Variants in C12orf60 observed in about 807,000 individuals in gnomAD.
The protein encoded by C12orf60 is uncharacterized protein C12orf60.
For synonymous variants in C12orf60, 102 were observed against 94.6 expected, an observed-to-expected ratio of 1.08 and a Z score of -0.45; for missense variants, 284 against 283.2, an observed-to-expected ratio of 1.00 and a Z score of -0.02.
intron 1 of C12orf60, chr12:14,806,537 C>A (rs758456011): frequency 5.6e-6 from 9 of 1,613,960 alleles, no homozygotes; most frequent in Middle Eastern, 1.6e-4. Flanking sequence ...CCAGCCTGCA[C>A]CCCAAGTGCA....
At chr12:14,807,696 G>A (rs1443826345) in intron 1 of C12orf60, among the ~76,000 whole-genome samples, 1 of 152,082 alleles carries the variant, frequency 6.6e-6, no homozygotes, top group African/African-American at 2.4e-5. Flanking sequence ...TTTCATGTGG[G>A]GAGAAGGTAG....
At chr12:14,808,164 C>CAA (rs550952665) in intron 1 of C12orf60, among the ~76,000 whole-genome samples, 24 of 133,208 alleles carry the variant, frequency 1.8e-4, no homozygotes, top group East Asian at 1.7e-3. Context: ...GACTTTGTCT[C>CAA]AAAAAAAAAA....
chr12:14,820,527 T>C (rs995376749), intron 1 of C12orf60, among the ~76,000 whole-genome samples: 3 of 152,086 alleles, frequency 2.0e-5, no homozygotes, highest in African/African-American at 7.2e-5. Flanking sequence ...GATTTTGATA[T>C]ATTTTCATTT....
chr12:14,814,652 G>A (rs1285402152), intron 1 of C12orf60, among the ~76,000 whole-genome samples: 1 of 151,984 alleles, frequency 6.6e-6, no homozygotes, highest in Non-Finnish European at 1.5e-5. Context: ...TTTCCAGCTA[G>A]GAGTTCTCCT....
rs768826895 is a variant in C12orf60, at chr12:14,823,305, A to G, written c.370A>G (p.Ile124Val). 58 of 1,614,070 alleles carry G rather than the reference A, an allele frequency of 3.6e-5. No individual in the cohort carries two copies. The Admixed American group carries it at 9.3e-4, about 26-fold the overall frequency. Reference sequence around the variant, plus strand: ...CAAAAGTGCCCATACGCCAGTCATCATCTCTGTGCTAAACAGCAGTAACAT... The same window carrying G: ...CAAAAGTGCCCATACGCCAGTCATCGTCTCTGTGCTAAACAGCAGTAACAT... ...VFKSAHTPVIISVLNSSNILG... is the reference protein window; with the variant it reads ...VFKSAHTPVIVSVLNSSNILG... Residue 124 changes from isoleucine (I) to valine (V), a missense_variant, in exon 2 of 2, where the codon ATC (isoleucine) becomes GTC (valine). Physicochemically the swap from Ile to Val is conservative, Grantham distance 29. Coordinates refer to ENST00000330828, the MANE Select transcript of C12orf60 (RefSeq NM_175874.4).
chr12:14,820,244 T>G (rs1950284851), intron 1 of C12orf60, among the ~76,000 whole-genome samples: 1 of 152,056 alleles, frequency 6.6e-6, no homozygotes, highest in Non-Finnish European at 1.5e-5. Context: ...TTGTGTTCTC[T>G]CTCCTTTTTT....
At chr12:14,807,971 G>C (rs900473622) in intron 1 of C12orf60, among the ~76,000 whole-genome samples, 1 of 152,100 alleles carries the variant, frequency 6.6e-6, no homozygotes, top group Non-Finnish European at 1.5e-5. Flanking sequence ...TTCAAGACCA[G>C]CCTGGCCAAC....
intron 1 of C12orf60, among the ~76,000 whole-genome samples, chr12:14,821,394 A>G (rs1228509200): frequency 6.6e-6 from 1 of 152,074 alleles, no homozygotes; most frequent in Non-Finnish European, 1.5e-5. Flanking sequence ...GGGAGAGTCT[A>G]TTCTTTGCCT....
chr12:14,824,238 A>G lies in C12orf60; in HGVS notation c.*565A>G, dbSNP rs1199552657. The G allele has an allele frequency of 6.6e-6, 1 of 152,250 alleles. No individual in the cohort carries two copies. Among genetic ancestry groups the G allele is most frequent in the Non-Finnish European group, 1.5e-5 (1 of 68,058 alleles). 9.4% of individuals were successfully genotyped at this position (152,250 alleles called of 1,614,324 possible). ...GCTTATGTGAGTAAGACCAGAACAG[A>G]TAGTTCATTCTCACTTGTCTCCTGA... On this transcript the variant is annotated 3_prime_UTR_variant, in exon 2 of 2. Transcript: ENST00000330828.
intron 1 of C12orf60, among the ~76,000 whole-genome samples, chr12:14,810,059 C>T (rs542592658): frequency 6.6e-6 from 1 of 152,250 alleles, no homozygotes; most frequent in Non-Finnish European, 1.5e-5. Context: ...GTTCCAATAA[C>T]GAGTTTGGCT....
chr12:14,809,206 A>C (rs1182217230), intron 1 of C12orf60, among the ~76,000 whole-genome samples: 1 of 152,208 alleles, frequency 6.6e-6, no homozygotes. Context: ...GGTTCTGTCT[A>C]CCTCAAGATA....
Position 14,823,271 on chromosome 12 carries a change from A to G in C12orf60, c.336A>G (p.Lys112=), listed in dbSNP as rs138256420. The change falls in exon 2 of 2, where the codon AAA becomes AAG. Residue 112 remains lysine, a synonymous_variant. Coordinates refer to ENST00000330828, the MANE Select transcript of C12orf60 (RefSeq NM_175874.4). ...TAGAGGAGTTGCATCAGTCAGCTAA[A>G]GAAGTATTCAAAAGTGCCCATACGC... is the stretch of plus-strand genomic sequence containing the variant. ...TNVEELHQSA[K]EVFKSAHTPV... 1.6e-3 allele frequency: 2,601 copies of G among 1,614,142 alleles called. 5 individuals are homozygous for G. The highest frequency in any genetic ancestry group is 2.5e-3 in the South Asian group (228 of 91,072).
intron 1 of C12orf60, among the ~76,000 whole-genome samples, chr12:14,821,581 TC>T (rs1158066058): frequency 1.1e-4 from 17 of 152,234 alleles, no homozygotes; most frequent in Admixed American, 4.6e-4. Context: ...TCAAGTAAAA[TC>T]AAGAAGTCTT....
intron 1 of C12orf60, among the ~76,000 whole-genome samples, chr12:14,806,929 T>C (rs1950061396): frequency 6.6e-6 from 1 of 152,166 alleles, no homozygotes; most frequent in South Asian, 2.1e-4. Context: ...CCTCCCAGGC[T>C]CTAGCAATTC....
In C12orf60 at chr12:14,823,677, T is replaced by A; in HGVS notation, c.*4T>A. 1 of 1,545,314 alleles carries A rather than the reference T, an allele frequency of 6.5e-7. No individual in the cohort carries two copies. Among genetic ancestry groups the A allele is most frequent in the Non-Finnish European group, 8.7e-7 (1 of 1,150,086 alleles). ...TAAGAAAGCCAGTGACAAGTAGGGATGCAACAGAAATGTTCATTTCTGTCA... is the reference window on the plus strand; with the variant it reads ...TAAGAAAGCCAGTGACAAGTAGGGAAGCAACAGAAATGTTCATTTCTGTCA... On this transcript the variant is annotated 3_prime_UTR_variant, in exon 2 of 2. Transcript: ENST00000330828.
At chr12:14,806,785 G>T in intron 1 of C12orf60, 1 of 1,180,218 alleles carries the variant, frequency 8.5e-7, no homozygotes, top group Non-Finnish European at 1.2e-6. Flanking sequence ...TTTTCTTCAT[G>T]CATAGCAAAG....
chr12:14,821,521 A>G (rs1164020744), intron 1 of C12orf60, among the ~76,000 whole-genome samples: 2 of 152,154 alleles, frequency 1.3e-5, no homozygotes, highest in African/African-American at 4.8e-5. Flanking sequence ...AGAGATTATA[A>G]TATACTTCCA....
At position 14,824,163 on chromosome 12, in the gene C12orf60, T is replaced by C. The variant is rs1005639971; in HGVS notation, c.*490T>C. 1 of 152,488 alleles carries C rather than the reference T, an allele frequency of 6.6e-6. No homozygotes were observed. The highest frequency in any genetic ancestry group is 2.4e-5 in the African/African-American group (1 of 41,454). The allele number at this position is 152,488 out of a possible 1,614,324, so 9.4% of individuals were successfully genotyped here. ...AAGCCATCACTAAATATTTTAAATA[T>C]GATTCATAAGTAAGTGAGAACAGTG... is the stretch of plus-strand genomic sequence containing the variant. On this transcript the variant is annotated 3_prime_UTR_variant, in exon 2 of 2. Transcript: ENST00000330828.
chr12:14,810,555 AC>A (rs1225160761), intron 1 of C12orf60, among the ~76,000 whole-genome samples: 1 of 152,220 alleles, frequency 6.6e-6, no homozygotes, highest in Non-Finnish European at 1.5e-5. Flanking sequence ...CAGATTTATA[AC>A]TGTAATATCA....
Sources: gnomAD v4.1 joint callset for allele counts (sites outside exome capture counted in the v4.1 genomes callset) on GRCh38, gnomAD v4.1.1 for gene constraint, MANE v1.5 for transcripts, NCBI Gene and HGNC (gene_info 2026-07-23, HGNC 2026-07-21) for gene names.